GJC3: variants seen among roughly 807,000 people sequenced by gnomAD.
GJC3 encodes gap junction gamma-3 protein.
Under a neutral mutation model 19.8 loss-of-function variants are expected in GJC3, and 17 were observed. That is an observed-to-expected ratio of 0.86 (90% CI 0.59 to 1.29). The LOEUF (loss-of-function observed/expected upper bound fraction) is 1.29. GJC3 is among the 50% of genes most tolerant of loss of function. The probability of loss-of-function intolerance (pLI) is 0.00; values close to 1 mark genes in which losing one functional copy is unlikely to be tolerated. For synonymous variants in GJC3, 140 were observed against 136.5 expected (o/e 1.03, Z -0.18); for missense variants, 317 against 332.5 (o/e 0.95, Z 0.36).
chr7:99,930,541 A>AT (rs1466668376), upstream of GJC3, among the ~76,000 whole-genome samples: 1 of 152,128 alleles, frequency 6.6e-6, no homozygotes, highest in Non-Finnish European at 1.5e-5. Flanking sequence ...CACCATCTCT[A>AT]TATTTGTCCT....
At chr7:99,924,189 A>T (rs1340539188) in intron 1 of GJC3, among the ~76,000 whole-genome samples, 2 of 152,142 alleles carry the variant, frequency 1.3e-5, no homozygotes, top group Non-Finnish European at 2.9e-5. Context: ...AACCTTGATC[A>T]CCCGGCTGAG....
rs767790042 is a variant in GJC3 at position 99,929,311 on chromosome 7, C to A, written c.310G>T (p.Glu104Ter). 1.2e-6 allele frequency: 2 copies of A among 1,614,062 alleles called. No homozygotes were observed. Among genetic ancestry groups the A allele is most frequent in the Non-Finnish European group, 1.7e-6 (2 of 1,180,034 alleles). Reference sequence around the variant, plus strand: ...TCCTCCTTCCCCTTTCCTGATAATTCCCAGTGCCAGATCACGTGATACAGA... The same window carrying A: ...TCCTCCTTCCCCTTTCCTGATAATTACCAGTGCCAGATCACGTGATACAGA... Reference protein sequence around the residue: ...FTLYHVIWHWELSGKGKEEET... With the variant: ...FTLYHVIWHW Residue 104 changes from glutamate (E) to a stop codon, truncating the protein, a stop_gained, in exon 1 of 2, where the codon GAA becomes TAA. Transcript: ENST00000312891. LOFTEE classifies it high-confidence loss of function.
chr7:99,927,592 G>A (rs1439119473), intron 1 of GJC3, among the ~76,000 whole-genome samples: 2 of 151,258 alleles, frequency 1.3e-5, no homozygotes, highest in African/African-American at 4.9e-5. Flanking sequence ...CCTTTGTTGA[G>A]AATTTCAGGG....
At position 99,929,052 on chromosome 7, in the gene GJC3, A is replaced by T. The variant is rs121908693; in HGVS notation, c.569T>A (p.Ile190Asn). Reference sequence around the variant, plus strand: ...GACTCCAAACATGGTCTTTAGGAAAATGGTCTTCTCAGAGGGGCGGGACAG... The same window carrying T: ...GACTCCAAACATGGTCTTTAGGAAATTGGTCTTCTCAGAGGGGCGGGACAG... ...CNLSRPSEKT[I>N]FLKTMFGVSG... Residue 190 changes from isoleucine to asparagine, a missense_variant, in exon 1 of 2, where the codon ATT (isoleucine) becomes AAT (asparagine). Physicochemically the swap from Ile to Asn is moderately radical, Grantham distance 149. Coordinates refer to ENST00000312891, the MANE Select transcript of GJC3 (RefSeq NM_181538.3). The T allele has an allele frequency of 3.3e-4, 533 of 1,614,188 alleles. 7 individuals are homozygous for T. The South Asian group carries it at 5.6e-3, about 17-fold the overall frequency.
Position 99,929,576 on chromosome 7 carries a change from C to T in GJC3, c.45G>A (p.Arg15=), listed in dbSNP as rs1056020084. The part of the protein sequence containing the change: ...FLRRLLAEES[R]RSTPVGRLLL... ...AGAGGCGCCCCACGGGGGTGGAGCG[C>T]CGGCTCTCCTCCGCCAGCAGCCGCC... is the stretch of plus-strand genomic sequence containing the variant. Residue 15 remains arginine, a synonymous_variant, in exon 1 of 2, where the codon CGG becomes CGA. Coordinates refer to ENST00000312891, the MANE Select transcript of GJC3 (RefSeq NM_181538.3). The T allele has an allele frequency of 5.0e-5, 81 of 1,611,234 alleles. No homozygotes were observed. Among genetic ancestry groups the T allele is most frequent in the Non-Finnish European group, 6.8e-5 (80 of 1,179,714 alleles).
At chr7:99,924,100 A>G (rs933778714) in intron 1 of GJC3, among the ~76,000 whole-genome samples, 1 of 152,276 alleles carries the variant, frequency 6.6e-6, no homozygotes, top group African/African-American at 2.4e-5. Context: ...TGGAAATTTT[A>G]GAACGGGAAA....
At chr7:99,930,185 G>T (rs901333068), upstream of GJC3, among the ~76,000 whole-genome samples, 1 of 152,178 alleles carries the variant, frequency 6.6e-6, no homozygotes, top group African/African-American at 2.4e-5. Flanking sequence ...TCCCATCACA[G>T]TGGTAAAGTT....
chr7:99,929,684 C>T, upstream of GJC3: 1 of 1,477,252 alleles, frequency 6.8e-7, no homozygotes, highest in Non-Finnish European at 9.2e-7. Flanking sequence ...GAGCTCCAGT[C>T]CACCTTGTCA....
At chr7:99,923,792 A>G (rs565417975) in intron 1 of GJC3, among the ~76,000 whole-genome samples, 189 bp from the exon 2 acceptor site, 1 of 152,324 alleles carries the variant, frequency 6.6e-6, no homozygotes, top group East Asian at 1.9e-4. Context: ...GCTGGTCAAA[A>G]CTTATGACTT....
intron 1 of GJC3, among the ~76,000 whole-genome samples, chr7:99,926,201 G>A (rs935366205): frequency 4.6e-5 from 7 of 152,128 alleles, no homozygotes; most frequent in African/African-American, 1.7e-4. Context: ...GGGTGTGGTG[G>A]TGCGCACCTG....
intron 1 of GJC3, among the ~76,000 whole-genome samples, chr7:99,927,487 A>G (rs1052619431): frequency 2.0e-5 from 3 of 152,156 alleles, no homozygotes; most frequent in Non-Finnish European, 2.9e-5. Flanking sequence ...AAGAAAAAAA[A>G]AATTTCCTAG....
intron 1 of GJC3, among the ~76,000 whole-genome samples, chr7:99,926,485 G>C (rs1584282359): frequency 2.0e-5 from 3 of 152,262 alleles, no homozygotes; most frequent in African/African-American, 7.2e-5. Flanking sequence ...CCTAACAGTG[G>C]AATAACACTC....
chr7:99,925,654 C>G (rs1819777989), intron 1 of GJC3, among the ~76,000 whole-genome samples: 2 of 152,034 alleles, frequency 1.3e-5, no homozygotes, highest in Admixed American at 6.5e-5. Flanking sequence ...CTAATACCCA[C>G]AATATATAAA....
At chr7:99,930,156 G>A (rs1311793011), upstream of GJC3, among the ~76,000 whole-genome samples, 3 of 152,220 alleles carry the variant, frequency 2.0e-5, no homozygotes, top group Non-Finnish European at 1.5e-5. Context: ...GATCACAGGT[G>A]TGTCTGGATG....
intron 1 of GJC3, among the ~76,000 whole-genome samples, chr7:99,925,144 G>A (rs1047777415): frequency 1.3e-5 from 2 of 152,020 alleles, no homozygotes; most frequent in Non-Finnish European, 2.9e-5. Context: ...AAAATAACTA[G>A]TATAATTGGA....
chr7:99,927,834 A>T (rs1464513921), intron 1 of GJC3, among the ~76,000 whole-genome samples: 1 of 152,210 alleles, frequency 6.6e-6, no homozygotes, highest in East Asian at 1.9e-4. Flanking sequence ...GAAATTAAAG[A>T]GTAGGAACTT....
At chr7:99,924,040 A>G (rs947150616) in intron 1 of GJC3, among the ~76,000 whole-genome samples, 1 of 152,240 alleles carries the variant, frequency 6.6e-6, no homozygotes, top group Non-Finnish European at 1.5e-5. Context: ...ATTCAAATGG[A>G]AAGTTTAAAA....
At position 99,929,389 on chromosome 7, in the gene GJC3, C is replaced by T. The variant is rs566014937; in HGVS notation, c.232G>A (p.Val78Ile). Reference protein sequence around the residue: ...FHPLSPLRFWVFQVILVAVPS... With the variant: ...FHPLSPLRFWIFQVILVAVPS... ...ACAGCCACCAAGATGACCTGGAAGA[C>T]CCAGAAACGCAGCGGGGAGAGGGGG... The change falls in exon 1 of 2, where the codon GTC becomes ATC. Residue 78 changes from valine (V) to isoleucine (I), a missense_variant. Physicochemically the swap from Val to Ile is conservative, Grantham distance 29 (BLOSUM62 3). Transcript: ENST00000312891. 6.2e-7 allele frequency: 1 copy of T among 1,614,160 alleles called. No individual in the cohort carries two copies. Among genetic ancestry groups the T allele is most frequent in the Admixed American group, 1.7e-5 (1 of 60,022 alleles).
intron 1 of GJC3, among the ~76,000 whole-genome samples, chr7:99,926,481 A>G (rs1244637813): frequency 1.3e-5 from 2 of 152,234 alleles, no homozygotes; most frequent in African/African-American, 4.8e-5. Flanking sequence ...ATATCCTAAC[A>G]GTGGAATAAC....
Sources: allele counts gnomAD v4.1 joint callset (sites outside exome capture counted in the v4.1 genomes callset), GRCh38; gene constraint gnomAD v4.1.1; transcripts MANE v1.5; gene names NCBI Gene and HGNC (gene_info 2026-07-23, HGNC 2026-07-21).